NRXN1: variants seen among roughly 807,000 people sequenced by gnomAD.
The protein encoded by NRXN1 is neurexin-1.
NRXN1 carries 39 observed loss-of-function variants against 150.9 expected under a neutral mutation model. The ratio of observed to expected loss-of-function variants is 0.26; its 90% CI spans 0.20 to 0.34. NRXN1 has a LOEUF of 0.34. NRXN1 is among the 10% of genes least tolerant of loss of function. The pLI is 1.00. For missense variants in NRXN1, 1,815 were observed against 1,949.9 expected (o/e 0.93, Z 1.30); for synonymous variants, 924 against 757.0 (o/e 1.22, Z -3.62).
intron 17 of NRXN1, among the ~76,000 whole-genome samples, chr2:50,321,951 G>C (rs1575078583): frequency 6.7e-6 from 1 of 150,106 alleles, no homozygotes; most frequent in South Asian, 2.1e-4. Flanking sequence ...CCATTTTGTA[G>C]ATGAGAATTA....
chr2:50,384,492 C>A (rs1415668507), intron 17 of NRXN1, among the ~76,000 whole-genome samples: 5 of 107,102 alleles, frequency 4.7e-5, no homozygotes, highest in Admixed American at 1.4e-4. Flanking sequence ...AATGACAGAG[C>A]AAGACTCCAT....
At chr2:49,994,647 T>C (rs949648448) in intron 21 of NRXN1, among the ~76,000 whole-genome samples, 1 of 152,156 alleles carries the variant, frequency 6.6e-6, no homozygotes, top group African/African-American at 2.4e-5. Flanking sequence ...AGGGAACTAC[T>C]TCAAGGAAAC....
intron 5 of NRXN1, among the ~76,000 whole-genome samples, chr2:50,755,190 A>G (rs1215372372): frequency 6.6e-6 from 1 of 151,812 alleles, no homozygotes. Context: ...ATTATAGCCT[A>G]TTCATTATAG....
At chr2:50,987,813 C>T (rs1697947974) in intron 2 of NRXN1, among the ~76,000 whole-genome samples, 1 of 151,902 alleles carries the variant, frequency 6.6e-6, no homozygotes, top group Non-Finnish European at 1.5e-5. Flanking sequence ...GCTATTCACA[C>T]CAGAGACCAC....
chr2:50,927,405 G>GTT (rs1687069405), intron 2 of NRXN1, among the ~76,000 whole-genome samples: 1 of 151,898 alleles, frequency 6.6e-6, no homozygotes, highest in African/African-American at 2.4e-5. Context: ...GTTTTCCAGA[G>GTT]TTTATTTTTA....
intron 21 of NRXN1, among the ~76,000 whole-genome samples, chr2:50,017,177 T>G (rs1362223687): frequency 6.6e-6 from 1 of 152,130 alleles, no homozygotes; most frequent in African/African-American, 2.4e-5. Flanking sequence ...GGTGAGCACT[T>G]TGGGGCCCTC....
intron 18 of NRXN1, among the ~76,000 whole-genome samples, chr2:50,223,561 G>T (rs1460303131): frequency 6.6e-6 from 1 of 151,846 alleles, no homozygotes; most frequent in Non-Finnish European, 1.5e-5. Flanking sequence ...GCGTAATAGG[G>T]CTAAAATTTC....
intron 17 of NRXN1, among the ~76,000 whole-genome samples, chr2:50,442,454 T>A (rs1320365172): frequency 6.6e-6 from 1 of 152,072 alleles, no homozygotes; most frequent in African/African-American, 2.4e-5. Context: ...GTTATTCAGA[T>A]TATCCAACCA....
chr2:50,411,555 G>C (rs976161471), intron 17 of NRXN1, among the ~76,000 whole-genome samples: 6 of 151,630 alleles, frequency 4.0e-5, no homozygotes, highest in African/African-American at 1.5e-4. Context: ...GCCTCTGCCC[G>C]GCTGCGACCC....
chr2:50,697,281 G>A (rs187424186), intron 5 of NRXN1, among the ~76,000 whole-genome samples: 12 of 152,256 alleles, frequency 7.9e-5, no homozygotes, highest in Non-Finnish European at 1.2e-4. Flanking sequence ...AAGACTCATT[G>A]TCACAAGCTG....
intron 5 of NRXN1, among the ~76,000 whole-genome samples, chr2:50,700,179 A>C (rs928238142): frequency 6.6e-6 from 1 of 152,226 alleles, no homozygotes; most frequent in Non-Finnish European, 1.5e-5. Context: ...AAGTGAATCC[A>C]AATGGATATC....
intron 21 of NRXN1, among the ~76,000 whole-genome samples, chr2:50,043,580 G>C (rs1042314295): frequency 6.6e-6 from 1 of 152,120 alleles, no homozygotes; most frequent in African/African-American, 2.4e-5. Context: ...ATGAACACAA[G>C]TACCTACATC....
chr2:50,097,310 G>A (rs1700352969), intron 18 of NRXN1, among the ~76,000 whole-genome samples: 2 of 152,266 alleles, frequency 1.3e-5, no homozygotes, highest in Admixed American at 1.3e-4. Context: ...ATGCACCATA[G>A]TACAGTCCAG....
intron 21 of NRXN1, among the ~76,000 whole-genome samples, chr2:49,990,166 T>A (rs1479970663): frequency 6.6e-6 from 1 of 150,822 alleles, no homozygotes. Flanking sequence ...TTATATTGGG[T>A]GTTCAGGGAA....
At chr2:50,088,633 T>A (rs1699137303) in intron 19 of NRXN1, among the ~76,000 whole-genome samples, 1 of 152,234 alleles carries the variant, frequency 6.6e-6, no homozygotes, top group Admixed American at 6.5e-5. Flanking sequence ...CTTATTACGA[T>A]ACTGCTCATT....
chr2:50,293,019 C>A, intron 17 of NRXN1, among the ~76,000 whole-genome samples: 1 of 152,186 alleles, frequency 6.6e-6, no homozygotes, highest in East Asian at 1.9e-4. Context: ...TAAAAACCTA[C>A]TGAAGACATA....
intron 8 of NRXN1, among the ~76,000 whole-genome samples, chr2:50,561,966 G>A (rs1382719485): frequency 6.6e-6 from 1 of 152,196 alleles, no homozygotes; most frequent in Non-Finnish European, 1.5e-5. Flanking sequence ...CAAGCCAGCA[G>A]ATGCTGCTAA....
At chr2:49,952,189 C>CCAT (rs1674088996) in intron 21 of NRXN1, among the ~76,000 whole-genome samples, 1 of 151,992 alleles carries the variant, frequency 6.6e-6, no homozygotes, top group African/African-American at 2.4e-5. Context: ...ATTCATCTAT[C>CCAT]CATCCATCCC....
chr2:50,705,040 A>G (rs1242801655), intron 5 of NRXN1, among the ~76,000 whole-genome samples: 1 of 126,366 alleles, frequency 7.9e-6, no homozygotes, highest in Admixed American at 8.5e-5. Context: ...ATATATACAC[A>G]GAAACACAAA....
Sources: gnomAD v4.1 joint callset for allele counts (sites outside exome capture counted in the v4.1 genomes callset) on GRCh38, gnomAD v4.1.1 for gene constraint, MANE v1.5 for transcripts, NCBI Gene and HGNC (gene_info 2026-07-23, HGNC 2026-07-21) for gene names.